HECW1: variants seen among roughly 807,000 people sequenced by gnomAD.
HECW1 encodes the protein HECT, C2 and WW domain containing E3 ubiquitin protein ligase 1.
Under a neutral mutation model 182.3 loss-of-function variants are expected in HECW1, and 61 were observed. The observed-to-expected ratio is 0.33, with a 90% CI of 0.27 to 0.41. The LOEUF is 0.41. Ranked by LOEUF, HECW1 falls within the 10% of genes least tolerant of loss-of-function variation. The pLI is 1.00. For missense variants in HECW1, 1,739 were observed against 2,108.9 expected, an observed-to-expected ratio of 0.82 and a Z score of 3.44; for synonymous variants, 859 against 832.6, an observed-to-expected ratio of 1.03 and a Z score of -0.55.
At chr7:43,553,112 T>C (rs9648533) in intron 28 of HECW1, among the ~76,000 whole-genome samples, 152,184 of 152,344 alleles carry the variant, frequency 1, 76,012 homozygotes, top group Middle Eastern at 1. Context: ...TGTCTAACCC[T>C]TCCTAAATAC....
chr7:43,313,073 CT>C (rs1808738103), intron 4 of HECW1, among the ~76,000 whole-genome samples: 1 of 152,154 alleles, frequency 6.6e-6, no homozygotes, highest in Non-Finnish European at 1.5e-5. Context: ...TAAAAGGGAT[CT>C]TAGCTGACTA....
chr7:43,450,927 C>G lies in HECW1; in HGVS notation c.2498C>G (p.Pro833Arg). Reference protein sequence around the residue: ...HYPTIDEPLPPNWEARIDSHG... With the variant: ...HYPTIDEPLPRNWEARIDSHG... ...CCAACAATCGATGAGCCTCTTCCACCAAGTAAGCTTTAGTTTTTAAAATCT... is the reference window on the plus strand; with the variant it reads ...CCAACAATCGATGAGCCTCTTCCACGAAGTAAGCTTTAGTTTTTAAAATCT... The change falls in exon 12 of 30, where the codon CCA (proline) becomes CGA (arginine). Residue 833 changes from proline to arginine, a missense_variant and splice_region_variant. This residue lies in a region of HECW1 where 971 missense variants were observed against 1,029.1 expected (regional missense o/e 0.94). Coordinates refer to ENST00000395891, the MANE Select transcript of HECW1 (RefSeq NM_015052.5). 6.3e-7 allele frequency: 1 copy of G among 1,597,522 alleles called. No homozygotes were observed. Among genetic ancestry groups the G allele is most frequent in the Non-Finnish European group, 8.6e-7 (1 of 1,165,054 alleles).
At chr7:43,365,170 G>T (rs140687812) in intron 6 of HECW1, among the ~76,000 whole-genome samples, 68 of 152,340 alleles carry the variant, frequency 4.5e-4, no homozygotes, top group African/African-American at 1.6e-3. Context: ...TTTGCCTGCC[G>T]GTTCTCCTGC....
At chr7:43,350,307 A>G (rs79430182) in intron 5 of HECW1, among the ~76,000 whole-genome samples, 12,999 of 152,132 alleles carry the variant, frequency 0.085, 690 homozygotes, top group East Asian at 0.22. Flanking sequence ...TCTTTCCTTC[A>G]TCTTAACTTT....
rs927786147 is a variant in HECW1 at position 43,563,258 on chromosome 7, C to G, written c.*1332C>G. ...AGTGAAAACATATCTCAGAAAACTT[C>G]ATGTTGTCAGAAAAACAGCTGCAGG... On this transcript the variant is annotated 3_prime_UTR_variant, in exon 30 of 30. Coordinates refer to ENST00000395891, the MANE Select transcript of HECW1 (RefSeq NM_015052.5). 2 of 209,626 alleles carry G rather than the reference C, an allele frequency of 9.5e-6. No homozygotes were observed. Among genetic ancestry groups the G allele is most frequent in the African/African-American group, 4.5e-5 (2 of 44,006 alleles). The allele number at this position is 209,626 out of a possible 1,614,324, so 13.0% of individuals were successfully genotyped here.
intron 4 of HECW1, among the ~76,000 whole-genome samples, chr7:43,312,922 G>A (rs1808714575): frequency 6.6e-6 from 1 of 152,254 alleles, no homozygotes; most frequent in African/African-American, 2.4e-5. Context: ...TCAACACCGG[G>A]TCATCCGAGG....
At chr7:43,512,187 A>C (rs951981442) in intron 24 of HECW1, 4 of 223,498 alleles carry the variant, frequency 1.8e-5, no homozygotes, top group African/African-American at 8.9e-5. Flanking sequence ...AGAAACCAAA[A>C]GATTACAAGG....
chr7:43,423,191 T>C (rs2152858789), intron 8 of HECW1, among the ~76,000 whole-genome samples: 1 of 152,232 alleles, frequency 6.6e-6, no homozygotes, highest in African/African-American at 2.4e-5. Context: ...GTACTGGTGG[T>C]GAGTGTGTGA....
At chr7:43,334,581 T>G (rs1027978398) in intron 5 of HECW1, among the ~76,000 whole-genome samples, 20 of 152,222 alleles carry the variant, frequency 1.3e-4, no homozygotes, top group African/African-American at 4.8e-4. Flanking sequence ...TTGCAGAACC[T>G]GGTACATATT....
Position 43,445,204 on chromosome 7 carries a change from T to A in HECW1, c.2032T>A (p.Cys678Ser). Residue 678 changes from cysteine (C) to serine (S), a missense_variant, in exon 11 of 30, where the codon TGC (cysteine) becomes AGC (serine). Cys to Ser is a moderately radical substitution (Grantham distance 112, BLOSUM62 -1). This residue lies in a region of HECW1 where 971 missense variants were observed against 1,029.1 expected (regional missense o/e 0.94). Coordinates refer to ENST00000395891, the MANE Select transcript of HECW1 (RefSeq NM_015052.5). ...TTGCGAGGGCTGTGACGCGTCCTGC[T>A]GCAGCCCCTCGTGCTACAGCTCCTC... ...HSCEGCDASC[C>S]SPSCYSSSCY... The A allele has an allele frequency of 6.2e-7, 1 of 1,613,340 alleles. No individual in the cohort carries two copies. Among genetic ancestry groups the A allele is most frequent in the Non-Finnish European group, 8.5e-7 (1 of 1,179,880 alleles).
At chr7:43,164,627 T>C (rs1193243300) in intron 2 of HECW1, among the ~76,000 whole-genome samples, 4 of 152,222 alleles carry the variant, frequency 2.6e-5, no homozygotes, top group Non-Finnish European at 5.9e-5. Context: ...CCAGCAGCCA[T>C]GGCACAGTCC....
chr7:43,201,815 A>C (rs1368211539), intron 2 of HECW1, among the ~76,000 whole-genome samples: 1 of 152,216 alleles, frequency 6.6e-6, no homozygotes, highest in African/African-American at 2.4e-5. Context: ...ATATGCTTGA[A>C]GATTTCATTA....
At chr7:43,239,429 T>C (rs1053102842) in intron 2 of HECW1, among the ~76,000 whole-genome samples, 2 of 152,136 alleles carry the variant, frequency 1.3e-5, no homozygotes, top group Non-Finnish European at 2.9e-5. Flanking sequence ...TGTACCGGGT[T>C]GGTTGGTCTG....
At chr7:43,507,480 A>G (rs1200386517) in intron 22 of HECW1, among the ~76,000 whole-genome samples, 3 of 152,162 alleles carry the variant, frequency 2.0e-5, no homozygotes, top group Non-Finnish European at 4.4e-5. Context: ...GGGAAAGAGA[A>G]TGAGAAAGAA....
At chr7:43,332,931 A>G (rs1308299056) in intron 5 of HECW1, among the ~76,000 whole-genome samples, 1 of 152,166 alleles carries the variant, frequency 6.6e-6, no homozygotes, top group East Asian at 1.9e-4. Context: ...AGATAATTCA[A>G]CCGGTCCCAT....
chr7:43,211,686 CT>C (rs1796024047), intron 2 of HECW1, among the ~76,000 whole-genome samples: 2 of 152,206 alleles, frequency 1.3e-5, no homozygotes, highest in Non-Finnish European at 2.9e-5. Flanking sequence ...GGCGTTCCCC[CT>C]TGCCTCCCTC....
intron 6 of HECW1, among the ~76,000 whole-genome samples, chr7:43,384,113 G>A (rs1011480073): frequency 2.0e-5 from 3 of 152,108 alleles, no homozygotes; most frequent in South Asian, 2.1e-4. Context: ...TTTCAAATAT[G>A]TGTACTGAAA....
intron 24 of HECW1, among the ~76,000 whole-genome samples, chr7:43,534,986 G>T (rs11760786): frequency 6.6e-6 from 1 of 152,188 alleles, no homozygotes; most frequent in Admixed American, 6.5e-5. Context: ...TAGCATCTTA[G>T]CAGCTGTCCT....
At chr7:43,153,263 A>C (rs1193301641) in intron 2 of HECW1, among the ~76,000 whole-genome samples, 1 of 152,120 alleles carries the variant, frequency 6.6e-6, no homozygotes. Context: ...TGTCCTTGTG[A>C]AATTACTGCT....
Sources: gnomAD v4.1 joint callset for allele counts (sites outside exome capture counted in the v4.1 genomes callset) on GRCh38, gnomAD v4.1.1 for gene constraint, gnomAD v4.1.1 regional missense constraint, MANE v1.5 for transcripts, NCBI Gene and HGNC (gene_info 2026-07-23, HGNC 2026-07-21) for gene names.